The following NFIX variants were observed in gnomAD, a reference collection of about 807,000 sequenced individuals.
The protein encoded by NFIX is nuclear factor I X.
NFIX carries 2 observed loss-of-function variants against 53.3 expected under a neutral mutation model. The ratio of observed to expected loss-of-function variants is 0.04; its 90% CI spans 0.02 to 0.12. NFIX has a LOEUF of 0.12. Ranked by LOEUF, NFIX falls within the 10% of genes least tolerant of loss-of-function variation. NFIX has a pLI of 1.00. For missense variants in NFIX, 310 were observed against 674.5 expected (o/e 0.46, Z 5.99); for synonymous variants, 244 against 289.0 (o/e 0.84, Z 1.58).
At chr19:13,008,140 G>A (rs1002196525) in intron 1 of NFIX, among the ~76,000 whole-genome samples, 1 of 152,196 alleles carries the variant, frequency 6.6e-6, no homozygotes, top group Admixed American at 6.5e-5. Context: ...TCTTCCAGCT[G>A]GTGGGGTTTC....
At position 13,067,983 on chromosome 19, in the gene NFIX, T is replaced by C. The variant is rs921680715; in HGVS notation, c.560-5064T>C. 6.6e-6 allele frequency among the ~76,000 whole-genome samples: 1 copy of C among 151,670 alleles called. No individual in the cohort carries two copies. Among genetic ancestry groups the C allele is most frequent in the African/African-American group, 2.4e-5 (1 of 41,224 alleles). On this transcript the variant is annotated intron_variant, in intron 2 of 10. Transcript: ENST00000592199. This position sits in a 1 kb window ranked among gnomAD's most constrained non-coding sequence, Gnocchi z 4.2. ...AGCTGGTCCTGGTGACAGGTGCCTGTAGTTCCCAGTACTCGGGAGGCTGAG... is the reference window on the plus strand; with the variant it reads ...AGCTGGTCCTGGTGACAGGTGCCTGCAGTTCCCAGTACTCGGGAGGCTGAG...
rs1000972404 is a variant in NFIX at position 13,001,885 on chromosome 19, T to C, written c.27+6021T>C. On this transcript the variant is annotated intron_variant, in intron 1 of 10. Transcript: ENST00000592199. The surrounding 1 kb of genome is among the most constrained non-coding windows in gnomAD (Gnocchi z 6.5). Reference sequence around the variant, plus strand: ...GGTTGAGCGGCCGCAGTGGCCTTGCTGGGGGCCCCGCCCGTGCCCCTGGCC... The same window carrying C: ...GGTTGAGCGGCCGCAGTGGCCTTGCCGGGGGCCCCGCCCGTGCCCCTGGCC... 1.3e-5 allele frequency among the ~76,000 whole-genome samples: 2 copies of C among 152,364 alleles called. No homozygotes were observed. The highest frequency in any genetic ancestry group is 2.9e-5 in the Non-Finnish European group (2 of 68,030).
rs184838977 is a variant in NFIX, at chr19:13,040,839, G to A, written c.559+15287G>A. ...TGCTGCCGCTGCTGTACCTTTGCTTGCCTCGGATCTTAGAACTGTTTCCAG... is the reference window on the plus strand; with the variant it reads ...TGCTGCCGCTGCTGTACCTTTGCTTACCTCGGATCTTAGAACTGTTTCCAG... On this transcript the variant is annotated intron_variant, in intron 2 of 10. Transcript: ENST00000592199. This position sits in a 1 kb window ranked among gnomAD's most constrained non-coding sequence, Gnocchi z 4.2. Among the ~76,000 whole-genome samples, 67 of 152,296 alleles carry A rather than the reference G, an allele frequency of 4.4e-4. No homozygotes were observed. The highest frequency in any genetic ancestry group is 9.1e-4 in the African/African-American group (38 of 41,568).
At position 13,067,455 on chromosome 19, in the gene NFIX, TG is replaced by T. The variant is rs2016480041; in HGVS notation, c.560-5591del. 6.9e-6 allele frequency among the ~76,000 whole-genome samples: 1 copy of T among 144,918 alleles called. No homozygotes were observed. The highest frequency in any genetic ancestry group is 1.5e-5 in the Non-Finnish European group (1 of 66,904). Reference sequence around the variant, plus strand: ...AAGTGGTTAGTGGCACCTCCGTGTGTGTGCGCGCGTGTGTGTGTGTGTGTGT... The same window carrying T: ...AAGTGGTTAGTGGCACCTCCGTGTGTTGCGCGCGTGTGTGTGTGTGTGTGT... On this transcript the variant is annotated intron_variant, in intron 2 of 10. Coordinates refer to ENST00000592199, the MANE Select transcript of NFIX (RefSeq NM_001365902.3). The surrounding 1 kb of genome is among the most constrained non-coding windows in gnomAD (Gnocchi z 4.2).
At position 13,088,171 on chromosome 19, in the gene NFIX, A is replaced by G. The variant is rs2017899914; in HGVS notation, c.1402+35A>G. ...CGATGAAACCGAAACCACAACGCCC[A>G]GCGTCCCCGGCCCGTCCAAACAGTC... On this transcript the variant is annotated intron_variant, in intron 9 of 10. Coordinates refer to ENST00000592199, the MANE Select transcript of NFIX (RefSeq NM_001365902.3). This position sits in a 1 kb window ranked among gnomAD's most constrained non-coding sequence, Gnocchi z 5.9. 6.5e-7 allele frequency: 1 copy of G among 1,535,596 alleles called. No individual in the cohort carries two copies. Among genetic ancestry groups the G allele is most frequent in the Non-Finnish European group, 8.7e-7 (1 of 1,146,352 alleles).
At chr19:13,046,665 T>C (rs907047347) in intron 2 of NFIX, among the ~76,000 whole-genome samples, 6 of 152,198 alleles carry the variant, frequency 3.9e-5, no homozygotes, top group South Asian at 2.1e-4. Context: ...TTTTGTTTGG[T>C]AAAATGTCTG....
chr19:13,063,298 C>T (rs1275148150), intron 2 of NFIX, among the ~76,000 whole-genome samples: 2 of 152,094 alleles, frequency 1.3e-5, no homozygotes, highest in Non-Finnish European at 2.9e-5. Flanking sequence ...TCCTTTTCTT[C>T]TTCCTTCCCT....
intron 1 of NFIX, among the ~76,000 whole-genome samples, chr19:13,023,379 G>A (rs1347375752): frequency 6.7e-6 from 1 of 148,560 alleles, no homozygotes; most frequent in Non-Finnish European, 1.5e-5. Flanking sequence ...GCCAGCAACG[G>A]TCTGCAGCCG....
intron 8 of NFIX, among the ~76,000 whole-genome samples, chr19:13,085,196 AC>A (rs1302260297): frequency 6.6e-6 from 1 of 152,118 alleles, no homozygotes; most frequent in Non-Finnish European, 1.5e-5. Context: ...CCTCAACTGT[AC>A]CCCAGTCAGA....
intron 1 of NFIX, chr19:13,024,552 C>T (rs1363150137): frequency 3.9e-6 from 6 of 1,530,594 alleles, no homozygotes; most frequent in African/African-American, 2.7e-5. Context: ...CCCGCACGCC[C>T]CCGCGTGTGC....
At position 13,051,440 on chromosome 19, in the gene NFIX, C is replaced by T. The variant is rs1422211219; in HGVS notation, c.560-21607C>T. 2.0e-5 allele frequency among the ~76,000 whole-genome samples: 3 copies of T among 152,158 alleles called. No homozygotes were observed. The highest frequency in any genetic ancestry group is 4.8e-5 in the African/African-American group (2 of 41,432). On this transcript the variant is annotated intron_variant, in intron 2 of 10. Coordinates refer to ENST00000592199, the MANE Select transcript of NFIX (RefSeq NM_001365902.3). The surrounding 1 kb of genome is among the most constrained non-coding windows in gnomAD (Gnocchi z 5.1). ...ACCTGACAGCATTGCACAAGTCAGC[C>T]GTCCTGCAAGGTGGCTCTTTGCTGC...
Position 13,005,669 on chromosome 19 carries a change from C to T in NFIX, c.27+9805C>T, listed in dbSNP as rs950695664. On this transcript the variant is annotated intron_variant, in intron 1 of 10. Transcript: ENST00000592199. This position sits in a 1 kb window ranked among gnomAD's most constrained non-coding sequence, Gnocchi z 4.7. ...GCTCTTTCTTCAAGATCGTCACCACCCTAAATCCTGCCGATGGGACAAAAT... is the reference window on the plus strand; with the variant it reads ...GCTCTTTCTTCAAGATCGTCACCACTCTAAATCCTGCCGATGGGACAAAAT... Among the ~76,000 whole-genome samples, 1 of 152,132 alleles carries T rather than the reference C, an allele frequency of 6.6e-6. No homozygotes were observed. The highest frequency in any genetic ancestry group is 6.5e-5 in the Admixed American group (1 of 15,268).
Position 13,094,933 on chromosome 19 carries a change from A to T in NFIX, c.*284A>T, listed in dbSNP as rs2018349284. 2.3e-6 allele frequency: 1 copy of T among 434,674 alleles called. No homozygotes were observed. The highest frequency in any genetic ancestry group is 3.8e-5 in the Admixed American group (1 of 26,560). 26.9% of individuals were successfully genotyped at this position (434,674 alleles called of 1,614,324 possible). ...CGACATGGACTCTGTCAAGTAGAGG[A>T]CAGAAAGCAAGAAAGGATGCAGAAC... On this transcript the variant is annotated 3_prime_UTR_variant, in exon 11 of 11. Transcript: ENST00000592199. This position sits in a 1 kb window ranked among gnomAD's most constrained non-coding sequence, Gnocchi z 4.3.
chr19:13,020,143 G>A (rs932006976), intron 1 of NFIX, among the ~76,000 whole-genome samples: 38 of 152,162 alleles, frequency 2.5e-4, no homozygotes, highest in African/African-American at 8.5e-4. Flanking sequence ...GATGTAAAGC[G>A]GTCTGATCTC....
chr19:13,041,655 A>C (rs906226838), intron 2 of NFIX, among the ~76,000 whole-genome samples: 1 of 151,960 alleles, frequency 6.6e-6, no homozygotes, highest in African/African-American at 2.4e-5. Context: ...TTAGCCAGGC[A>C]TGGAGGCACA....
At chr19:13,031,812 G>T (rs2013830919) in intron 2 of NFIX, among the ~76,000 whole-genome samples, 1 of 152,148 alleles carries the variant, frequency 6.6e-6, no homozygotes, top group Admixed American at 6.5e-5. Flanking sequence ...AGGAAGAGTG[G>T]GTTAGAAGGG....
intron 2 of NFIX, among the ~76,000 whole-genome samples, chr19:13,065,560 A>G (rs1599824863): frequency 6.6e-6 from 1 of 152,052 alleles, no homozygotes; most frequent in Admixed American, 6.5e-5. Flanking sequence ...TGGGGGTCTC[A>G]TTTATTAACT....
intron 8 of NFIX, among the ~76,000 whole-genome samples, chr19:13,086,650 C>T (rs566625864): frequency 1.3e-5 from 2 of 152,278 alleles, no homozygotes; most frequent in South Asian, 4.1e-4. Context: ...AAAGTGTCTC[C>T]AGACATTGCC....
intron 2 of NFIX, among the ~76,000 whole-genome samples, chr19:13,030,446 T>A (rs2013713918): frequency 6.6e-6 from 1 of 152,220 alleles, no homozygotes; most frequent in Non-Finnish European, 1.5e-5. Flanking sequence ...TCTGTCACCT[T>A]TACTTGTTGG....
Sources: allele counts gnomAD v4.1 joint callset (sites outside exome capture counted in the v4.1 genomes callset), GRCh38; gene constraint gnomAD v4.1.1; non-coding constraint Gnocchi (gnomAD v3.1); transcripts MANE v1.5; gene names NCBI Gene and HGNC (gene_info 2026-07-23, HGNC 2026-07-21).